FGD5: variants seen among roughly 807,000 people sequenced by gnomAD.
FGD5 encodes the protein FYVE, RhoGEF and PH domain-containing protein 5.
A neutral mutation model predicts 133.4 loss-of-function variants in FGD5; 28 were observed. That is an observed-to-expected ratio of 0.21 (90% CI 0.16 to 0.29). The LOEUF is 0.29. Ranked by LOEUF, FGD5 falls within the 10% of genes least tolerant of loss-of-function variation. FGD5 has a pLI of 1.00. For synonymous variants in FGD5, 810 were observed against 776.5 expected (o/e 1.04, Z -0.72); for missense variants, 1,858 against 1,895.2 (o/e 0.98, Z 0.36).
Position 14,819,606 on chromosome 3 carries a change from G to C in FGD5, c.535G>C (p.Glu179Gln), listed in dbSNP as rs535970922. 6.4e-7 allele frequency: 1 copy of C among 1,551,504 alleles called. No homozygotes were observed. The highest frequency in any genetic ancestry group is 1.2e-5 in the South Asian group (1 of 84,046). The change falls in exon 1 of 20, where the codon GAG (glutamate) becomes CAG (glutamine). Residue 179 changes from glutamate to glutamine, a missense_variant. Physicochemically the swap from Glu to Gln is conservative, Grantham distance 29. Around this residue, in one of 3 missense-constraint regions of FGD5, gnomAD observed 1,824 missense variants for 1,848.9 expected, o/e 0.99. Coordinates refer to ENST00000285046, the MANE Select transcript of FGD5 (RefSeq NM_152536.4). This position sits in a 1 kb window ranked among gnomAD's most constrained non-coding sequence, Gnocchi z 4.1. Reference sequence around the variant, plus strand: ...GCAGCCACACAGGGAGTGCAGCCTGGAGGACAGTGGGCCTTGGGCTGGAGA... The same window carrying C: ...GCAGCCACACAGGGAGTGCAGCCTGCAGGACAGTGGGCCTTGGGCTGGAGA... Reference protein sequence around the residue: ...LVQPHRECSLEDSGPWAGEGV... With the variant: ...LVQPHRECSLQDSGPWAGEGV...
intron 4 of FGD5, among the ~76,000 whole-genome samples, chr3:14,891,885 C>T (rs1335977259): frequency 6.6e-6 from 1 of 151,914 alleles, no homozygotes; most frequent in Non-Finnish European, 1.5e-5. Flanking sequence ...CTTCCTCCTT[C>T]CCTCCTTCTC....
chr3:14,839,170 C>T (rs1169151544), intron 1 of FGD5, among the ~76,000 whole-genome samples: 2 of 152,226 alleles, frequency 1.3e-5, no homozygotes, highest in Non-Finnish European at 2.9e-5. Flanking sequence ...AATGCACAGG[C>T]TTCTGGGGAC....
chr3:14,902,467 A>G (rs2038258693), intron 9 of FGD5, among the ~76,000 whole-genome samples: 1 of 152,092 alleles, frequency 6.6e-6, no homozygotes, highest in Non-Finnish European at 1.5e-5. Flanking sequence ...CGTTGGGGAC[A>G]GGATGGCAAG....
At chr3:14,899,607 AT>A (rs2038198594) in intron 7 of FGD5, among the ~76,000 whole-genome samples, 1 of 152,238 alleles carries the variant, frequency 6.6e-6, no homozygotes, top group East Asian at 1.9e-4. Context: ...TCCAAGAACT[AT>A]TTATTGAGCA....
chr3:14,849,749 A>G lies in FGD5; in HGVS notation c.2526-14379A>G, dbSNP rs2037122285. Reference sequence around the variant, plus strand: ...GTGTTCAGATCCTGGCCCTGAACTTAGCCTCTGTGCACCTGTTTCTCCATC... The same window carrying G: ...GTGTTCAGATCCTGGCCCTGAACTTGGCCTCTGTGCACCTGTTTCTCCATC... On this transcript the variant is annotated intron_variant, in intron 1 of 19. Transcript: ENST00000285046. Among the ~76,000 whole-genome samples the G allele has an allele frequency of 2.6e-5, 4 of 152,076 alleles. No individual in the cohort carries two copies. In the South Asian group the frequency reaches 8.3e-4, roughly 32 times the overall value.
chr3:14,873,501 T>C (rs769055483), intron 2 of FGD5, among the ~76,000 whole-genome samples: 2 of 152,178 alleles, frequency 1.3e-5, no homozygotes, highest in Non-Finnish European at 2.9e-5. Context: ...ATTAGCCGGC[T>C]GTTTGAAGTC....
At chr3:14,926,824 T>C (rs1207017241) in intron 18 of FGD5, among the ~76,000 whole-genome samples, 1 of 152,136 alleles carries the variant, frequency 6.6e-6, no homozygotes, top group Non-Finnish European at 1.5e-5. Flanking sequence ...CTTCACCAGC[T>C]GGTGGCTTCT....
chr3:14,915,241 T>C (rs924935285), intron 11 of FGD5, among the ~76,000 whole-genome samples: 5 of 152,214 alleles, frequency 3.3e-5, no homozygotes, highest in African/African-American at 1.2e-4. Flanking sequence ...CCAAGTCTCC[T>C]GCATTGCCAT....
At chr3:14,925,597 A>G (rs1485995656) in intron 17 of FGD5, among the ~76,000 whole-genome samples, 1 of 152,164 alleles carries the variant, frequency 6.6e-6, no homozygotes, top group Non-Finnish European at 1.5e-5. Flanking sequence ...CCGCCACCAC[A>G]AAGAGTAGTA....
intron 1 of FGD5, among the ~76,000 whole-genome samples, chr3:14,822,800 C>G (rs542890117): frequency 1.3e-5 from 2 of 152,198 alleles, no homozygotes; most frequent in African/African-American, 4.8e-5. Flanking sequence ...AAACTTAAAC[C>G]AGTCCTACTC....
chr3:14,866,443 C>T (rs1478948407), intron 2 of FGD5, among the ~76,000 whole-genome samples: 1 of 151,940 alleles, frequency 6.6e-6, no homozygotes, highest in Non-Finnish European at 1.5e-5. Flanking sequence ...ATCTGGTCTC[C>T]CGGCCACTGC....
At chr3:14,919,848 T>G (rs2125152924) in intron 13 of FGD5, among the ~76,000 whole-genome samples, 1 of 152,212 alleles carries the variant, frequency 6.6e-6, no homozygotes, top group African/African-American at 2.4e-5. Context: ...ATAAGGGCAC[T>G]AATCTCATTC....
intron 1 of FGD5, among the ~76,000 whole-genome samples, chr3:14,842,525 G>A (rs1229429503): frequency 6.6e-6 from 1 of 152,134 alleles, no homozygotes; most frequent in Non-Finnish European, 1.5e-5. Flanking sequence ...CATGCCCCTG[G>A]CCATGCTTTG....
chr3:14,871,979 A>G (rs977776671), intron 2 of FGD5, among the ~76,000 whole-genome samples: 15 of 152,216 alleles, frequency 9.9e-5, no homozygotes, highest in Admixed American at 5.2e-4. Flanking sequence ...GAAACACAGT[A>G]TCCCAGGTCC....
rs1262516368 is a variant in FGD5 at position 14,926,172 on chromosome 3, G to A, written c.4171G>A (p.Val1391Ile). The A allele has an allele frequency of 6.2e-7, 1 of 1,613,740 alleles. No individual in the cohort carries two copies. The highest frequency in any genetic ancestry group is 1.7e-5 in the Admixed American group (1 of 60,014). ...GCTCTGGTTTGTCATCAAAGGCAAA[G>A]TTCTCTACACCTACATGGCCAGTGA... is the stretch of plus-strand genomic sequence containing the variant. ...KKLWFVIKGK[V>I]LYTYMASEDK... The change falls in exon 18 of 20, where the codon GTT becomes ATT. Residue 1391 changes from valine to isoleucine, a missense_variant. By Grantham distance (29) the Val-to-Ile change is conservative (BLOSUM62 3). This residue lies in a region of FGD5 where 1,824 missense variants were observed against 1,848.9 expected (regional missense o/e 0.99). Coordinates refer to ENST00000285046, the MANE Select transcript of FGD5 (RefSeq NM_152536.4).
In FGD5 at chr3:14,933,741, G is replaced by A. The variant is rs2038937262; in HGVS notation, c.*574G>A. 2 of 156,526 alleles carry A rather than the reference G, an allele frequency of 1.3e-5. No individual in the cohort carries two copies. The highest frequency in any genetic ancestry group is 3.8e-4 in the South Asian group (2 of 5,202). 9.7% of individuals were successfully genotyped at this position (156,526 alleles called of 1,614,324 possible). On this transcript the variant is annotated 3_prime_UTR_variant, in exon 20 of 20. Coordinates refer to ENST00000285046, the MANE Select transcript of FGD5 (RefSeq NM_152536.4). Reference sequence around the variant, plus strand: ...AATGTGCCACCAGTTTTCTAACAAGGGTGTACATAAAATGGATTTGTGCAG... The same window carrying A: ...AATGTGCCACCAGTTTTCTAACAAGAGTGTACATAAAATGGATTTGTGCAG...
chr3:14,823,924 C>T (rs1304405195), intron 1 of FGD5, among the ~76,000 whole-genome samples: 7 of 152,230 alleles, frequency 4.6e-5, no homozygotes, highest in Admixed American at 2.0e-4. Flanking sequence ...TCTAAGACAA[C>T]GCTAAAGCTC....
intron 1 of FGD5, among the ~76,000 whole-genome samples, chr3:14,845,774 C>A (rs1422357605): frequency 6.6e-6 from 1 of 152,216 alleles, no homozygotes; most frequent in East Asian, 1.9e-4. Flanking sequence ...TAGAACTTTA[C>A]AGTTTGAAAA....
chr3:14,864,299 G>T (rs369773396), intron 2 of FGD5, 39 bp downstream of exon 2: 1 of 1,612,926 alleles, frequency 6.2e-7, no homozygotes, highest in African/African-American at 1.3e-5. Context: ...CATCGGAGAC[G>T]TGAGGGTGGA....
Sources: allele counts gnomAD v4.1 joint callset (sites outside exome capture counted in the v4.1 genomes callset), GRCh38; gene constraint gnomAD v4.1.1; regional missense constraint gnomAD v4.1.1; non-coding constraint Gnocchi (gnomAD v3.1); transcripts MANE v1.5; gene names NCBI Gene and HGNC (gene_info 2026-07-23, HGNC 2026-07-21).